The following SPECC1 variants were observed in gnomAD, a reference collection of about 807,000 sequenced individuals.
The protein encoded by SPECC1 is sperm antigen with calponin homology and coiled-coil domains 1.
Under a neutral mutation model 104.1 loss-of-function variants are expected in SPECC1, and 62 were observed. The ratio of observed to expected loss-of-function variants is 0.60; its 90% CI spans 0.49 to 0.74. The LOEUF (loss-of-function observed/expected upper bound fraction) is 0.74, where lower values mean the gene tolerates loss of function less well. SPECC1 is among the 30% of genes least tolerant of loss of function. SPECC1 has a pLI of 0.00. For synonymous variants in SPECC1, 513 were observed against 501.6 expected (o/e 1.02, Z -0.30); for missense variants, 1,306 against 1,310.5 (o/e 1.00, Z 0.05).
intron 3 of SPECC1, among the ~76,000 whole-genome samples, chr17:20,133,957 G>T (rs2049791947): frequency 6.6e-6 from 1 of 151,996 alleles, no homozygotes; most frequent in African/African-American, 2.4e-5. Context: ...GTTTCTTGGG[G>T]CCCAGATGGT....
chr17:20,099,762 T>G (rs117898153), intron 2 of SPECC1, among the ~76,000 whole-genome samples: 3,269 of 138,030 alleles, frequency 0.024, 44 homozygotes, highest in Non-Finnish European at 0.034. Context: ...AGCATAGGAA[T>G]GTTTCTAAAG....
chr17:20,266,297 C>T lies in SPECC1; in HGVS notation c.2940+6003C>T, dbSNP rs377503698. Among the ~76,000 whole-genome samples, 131 of 152,248 alleles carry T rather than the reference C, an allele frequency of 8.6e-4. 2 individuals carry two copies. The South Asian group carries it at 0.013, about 15-fold the overall frequency. Reference sequence around the variant, plus strand: ...TCAGCTCCAGGTAATATTGTAGGTGCTGGGGGCCGGGCGCGGTGACTCACG... The same window carrying T: ...TCAGCTCCAGGTAATATTGTAGGTGTTGGGGGCCGGGCGCGGTGACTCACG... On this transcript the variant is annotated intron_variant, in intron 12 of 14. Coordinates refer to ENST00000395527, the MANE Select transcript of SPECC1 (RefSeq NM_001243439.2).
At chr17:20,112,815 A>T in intron 3 of SPECC1, 1 of 1,570,876 alleles carries the variant, frequency 6.4e-7, no homozygotes, top group Admixed American at 1.7e-5. Flanking sequence ...ACCTTAAAAA[A>T]TGCAAAGTTG....
At chr17:20,247,488 G>A (rs1276789946) in intron 9 of SPECC1, among the ~76,000 whole-genome samples, 169 bp downstream of exon 9, 4 of 152,084 alleles carry the variant, frequency 2.6e-5, no homozygotes, top group Non-Finnish European at 4.4e-5. Context: ...CTTTATCATC[G>A]GAATGTAAGC....
chr17:20,057,297 C>T (rs1338219927), intron 1 of SPECC1, among the ~76,000 whole-genome samples: 6 of 151,978 alleles, frequency 3.9e-5, no homozygotes, highest in Non-Finnish European at 8.8e-5. Context: ...AAAAAGTAGC[C>T]GGGCGTGGTG....
chr17:20,265,091 C>T (rs1414215491), intron 12 of SPECC1, among the ~76,000 whole-genome samples: 1 of 152,084 alleles, frequency 6.6e-6, no homozygotes, highest in Non-Finnish European at 1.5e-5. Context: ...AATGAACATA[C>T]GAGTGGTAGA....
At chr17:20,135,835 G>A (rs572521312) in intron 3 of SPECC1, among the ~76,000 whole-genome samples, 1 of 152,330 alleles carries the variant, frequency 6.6e-6, no homozygotes, top group East Asian at 1.9e-4. Context: ...CTTGCACGTA[G>A]TCAATGCAGT....
intron 1 of SPECC1, among the ~76,000 whole-genome samples, chr17:20,069,352 A>G (rs1040842649): frequency 3.9e-5 from 6 of 151,986 alleles, no homozygotes; most frequent in African/African-American, 1.5e-4. Context: ...AAAGGTTTTT[A>G]ATTTTTATGA....
At chr17:20,054,950 T>C (rs1004900869) in intron 1 of SPECC1, among the ~76,000 whole-genome samples, 1 of 152,242 alleles carries the variant, frequency 6.6e-6, no homozygotes. Context: ...CTACTACATT[T>C]GTTAATCTAC....
intron 3 of SPECC1, among the ~76,000 whole-genome samples, chr17:20,115,334 G>A (rs1343843501): frequency 6.6e-6 from 1 of 152,068 alleles, no homozygotes; most frequent in Non-Finnish European, 1.5e-5. Flanking sequence ...TTAGCTGGGC[G>A]CGGTGGCGGG....
At chr17:20,049,705 T>C (rs1011982786) in intron 1 of SPECC1, among the ~76,000 whole-genome samples, 2 of 152,220 alleles carry the variant, frequency 1.3e-5, no homozygotes, top group Non-Finnish European at 2.9e-5. Context: ...TTCTCTTTTA[T>C]AACTTCAGGG....
rs117058405 is a variant in SPECC1 at position 20,029,586 on chromosome 17, A to G, written c.-22+20162A>G. On this transcript the variant is annotated intron_variant, in intron 1 of 14. Transcript: ENST00000395527. The stretch of plus-strand genomic sequence containing the variant: ...TTTGTGGATAGTTTCTTGGTTGTCA[A>G]TTCAGTCTCTTCCCTTGTTATAGCT... Among the ~76,000 whole-genome samples, 162 of 152,008 alleles carry G rather than the reference A, an allele frequency of 1.1e-3. 1 individual carries two copies. In the East Asian group the frequency reaches 0.026, roughly 24 times the overall value.
intron 3 of SPECC1, among the ~76,000 whole-genome samples, chr17:20,195,916 A>C (rs1269533585): frequency 1.3e-5 from 2 of 152,222 alleles, no homozygotes; most frequent in South Asian, 2.1e-4. Flanking sequence ...ATTTTAATTT[A>C]TAGAAAAGCT....
At chr17:20,311,705 G>A (rs2041939355) in intron 14 of SPECC1, among the ~76,000 whole-genome samples, 1 of 152,160 alleles carries the variant, frequency 6.6e-6, no homozygotes, top group South Asian at 2.1e-4. Context: ...GATGAGAAAG[G>A]ACATCCTTGC....
rs554728677 is a variant in SPECC1, at chr17:20,088,044, G to A, written c.-21-8587G>A. Among the ~76,000 whole-genome samples, 159 of 152,148 alleles carry A rather than the reference G, an allele frequency of 1.0e-3. 2 individuals are homozygous for A. Among genetic ancestry groups the A allele is most frequent in the Admixed American group, 2.0e-3 (30 of 15,280 alleles). On this transcript the variant is annotated intron_variant, in intron 1 of 14. Transcript: ENST00000395527. The stretch of plus-strand genomic sequence containing the variant: ...CTAGCTGCACATGCTCAGGGAGCTG[G>A]GAGCGGCCCACATGAAGCACAGTGA...
chr17:20,160,759 T>C (rs9913018), intron 3 of SPECC1, among the ~76,000 whole-genome samples: 18,120 of 152,202 alleles, frequency 0.12, 1,107 homozygotes, highest in Non-Finnish European at 0.13. Flanking sequence ...CTACATGATA[T>C]ACTATACCCT....
At chr17:20,191,373 C>CACCAGT (rs2035658172) in intron 3 of SPECC1, among the ~76,000 whole-genome samples, 1 of 152,166 alleles carries the variant, frequency 6.6e-6, no homozygotes, top group Non-Finnish European at 1.5e-5. Context: ...TCCACATCCT[C>CACCAGT]ACCAGTATTT....
In SPECC1 at chr17:20,204,396, C is replaced by A. The variant is rs987409865; in HGVS notation, c.347C>A (p.Ser116Ter). ...CCACGGGAATTTTCAGTAACTGTCTCAAGAGAGAGGTCTGTGCCACGTGGT... is the reference window on the plus strand; with the variant it reads ...CCACGGGAATTTTCAGTAACTGTCTAAAGAGAGAGGTCTGTGCCACGTGGT... Reference protein sequence around the residue: ...PAPREFSVTVSRERSVPRGPS... With the variant: ...PAPREFSVTV The change falls in exon 4 of 15, where the codon TCA becomes TAA. Residue 116 changes from serine to a stop codon, truncating the protein, a stop_gained. Transcript: ENST00000395527. LOFTEE classifies it high-confidence loss of function. 6.2e-7 allele frequency: 1 copy of A among 1,613,942 alleles called. No homozygotes were observed. Among genetic ancestry groups the A allele is most frequent in the African/African-American group, 1.3e-5 (1 of 74,888 alleles).
chr17:20,130,077 T>G (rs966246532), intron 3 of SPECC1, among the ~76,000 whole-genome samples: 1 of 152,174 alleles, frequency 6.6e-6, no homozygotes, highest in African/African-American at 2.4e-5. Context: ...TCTTTAAGAT[T>G]TTCTCTTATA....
Sources: gnomAD v4.1 joint callset for allele counts (sites outside exome capture counted in the v4.1 genomes callset) on GRCh38, gnomAD v4.1.1 for gene constraint, MANE v1.5 for transcripts, NCBI Gene and HGNC (gene_info 2026-07-23, HGNC 2026-07-21) for gene names.